Variants in PRC1 observed in about 807,000 individuals in gnomAD.
The protein encoded by PRC1 is anaphase spindle elongation 1 homolog.
In PRC1, 54 loss-of-function variants were observed where a neutral mutation model predicts 91.2. That is an observed-to-expected ratio of 0.59 (90% CI 0.48 to 0.74). PRC1 has a LOEUF of 0.74. PRC1 is among the 30% of genes least tolerant of loss of function. The pLI is 0.00. For synonymous variants in PRC1, 275 were observed against 263.6 expected (o/e 1.04, Z -0.42); for missense variants, 727 against 746.2 (o/e 0.97, Z 0.30).
chr15:90,979,317 T>C, intron 7 of PRC1, 23 bp from the exon 8 acceptor site: 1 of 1,592,884 alleles, frequency 6.3e-7, no homozygotes, highest in Non-Finnish European at 8.5e-7. Context: ...GGCCCAGTAG[T>C]TTAAAACAAT....
chr15:90,993,677 G>A (rs986738980), intron 1 of PRC1, among the ~76,000 whole-genome samples: 2 of 151,876 alleles, frequency 1.3e-5, no homozygotes, highest in East Asian at 1.9e-4. Context: ...CACCGCCTAG[G>A]AAGTTATTAA....
intron 6 of PRC1, 121 bp from the exon 7 acceptor site, chr15:90,980,510 C>G (rs1009571627): frequency 2.6e-6 from 2 of 758,096 alleles, no homozygotes; most frequent in African/African-American, 1.9e-5. Context: ...TATAAATCAA[C>G]ACTTTTTTTT....
intron 5 of PRC1, 103 bp downstream of exon 5, chr15:90,981,391 TCTTAC>T: frequency 7.6e-7 from 1 of 1,310,984 alleles, no homozygotes; most frequent in Non-Finnish European, 1.1e-6. Context: ...TCCCTCATTC[TCTTAC>T]CTTACATTGT....
In PRC1 at chr15:90,974,763, T is replaced by G; in HGVS notation, c.1204-32A>C. The stretch of plus-strand genomic sequence containing the variant: ...CCAGAAACAAGGACATGTTAATTAC[T>G]TCAACTCTTTAGTGCAAAGCCCAAA... On this transcript the variant is annotated intron_variant, in intron 9 of 14. Coordinates refer to ENST00000394249, the MANE Select transcript of PRC1 (RefSeq NM_003981.4). The surrounding 1 kb of genome is among the most constrained non-coding windows in gnomAD (Gnocchi z 4.6). The G allele has an allele frequency of 6.2e-7, 1 of 1,612,956 alleles. No individual in the cohort carries two copies. Among genetic ancestry groups the G allele is most frequent in the Non-Finnish European group, 8.5e-7 (1 of 1,179,066 alleles).
At chr15:90,969,325 G>A (rs984932356) in intron 13 of PRC1, 122 bp downstream of exon 13, 3 of 1,341,478 alleles carry the variant, frequency 2.2e-6, no homozygotes, top group Non-Finnish European at 3.1e-6. Flanking sequence ...AAGCAGGAAA[G>A]GGATTCTCAG....
Position 90,970,389 on chromosome 15 carries a change from A to T in PRC1, c.1572+15T>A. 6.4e-7 allele frequency: 1 copy of T among 1,558,522 alleles called. No homozygotes were observed. The highest frequency in any genetic ancestry group is 1.4e-5 in the African/African-American group (1 of 73,724). On this transcript the variant is annotated intron_variant, in intron 12 of 14. Transcript: ENST00000394249. ...GACGCATGTGAGGATGTGCTTAGAC[A>T]CAGGGCATACTAACCTTGCTGCCAG... is the stretch of plus-strand genomic sequence containing the variant.
At chr15:90,994,277 C>G (rs920346110) in intron 1 of PRC1, 130 bp downstream of exon 1, 3 of 1,434,906 alleles carry the variant, frequency 2.1e-6, no homozygotes, top group Non-Finnish European at 2.8e-6. Flanking sequence ...CCCCCGGCCT[C>G]CCTCGGCGCC....
intron 1 of PRC1, among the ~76,000 whole-genome samples, chr15:90,985,559 A>C (rs866383226): frequency 2.1e-4 from 23 of 108,582 alleles, no homozygotes; most frequent in Non-Finnish European, 2.5e-4. Flanking sequence ...ATTTATTTTT[A>C]TTTTCTTTTT....
chr15:90,985,606 T>C (rs975464258), intron 1 of PRC1, among the ~76,000 whole-genome samples: 3 of 151,382 alleles, frequency 2.0e-5, no homozygotes, highest in African/African-American at 7.3e-5. Flanking sequence ...TTGCCCTGGC[T>C]GGAGTGCAGT....
chr15:90,994,212 C>T (rs907766130), intron 1 of PRC1, among the ~76,000 whole-genome samples, 195 bp downstream of exon 1: 2 of 152,116 alleles, frequency 1.3e-5, no homozygotes, highest in Admixed American at 6.5e-5. Flanking sequence ...CGCGTCAGGT[C>T]TCACCGCCGC....
In PRC1 at chr15:90,979,313, G is replaced by C. The variant is rs781001193; in HGVS notation, c.971-19C>G. 6.3e-7 allele frequency: 1 copy of C among 1,598,996 alleles called. No individual in the cohort carries two copies. The highest frequency in any genetic ancestry group is 2.2e-5 in the East Asian group (1 of 44,784). ...TAGTCCTCTGCAAAATATAGGCCCA[G>C]TAGTTTAAAACAATTCCTCTAGTAT... On this transcript the variant is annotated intron_variant, in intron 7 of 14. Transcript: ENST00000394249.
chr15:90,984,328 AAT>A lies in PRC1; in HGVS notation c.145-190_145-189del, dbSNP rs1308212562. Among the ~76,000 whole-genome samples, 2 of 152,216 alleles carry A rather than the reference AAT, an allele frequency of 1.3e-5. No homozygotes were observed. The highest frequency in any genetic ancestry group is 6.5e-5 in the Admixed American group (1 of 15,286). On this transcript the variant is annotated intron_variant, in intron 2 of 14. Transcript: ENST00000394249. This position sits in a 1 kb window ranked among gnomAD's most constrained non-coding sequence, Gnocchi z 5.1. ...ACTGCAACCTCTACCTTCCGGGTTC[AAT>A]AGATTCTCCTGTCTCAGCCTCTTGA...
At position 90,976,658 on chromosome 15, in the gene PRC1, C is replaced by G; in HGVS notation, c.1203+18G>C. On this transcript the variant is annotated intron_variant, in intron 9 of 14. Coordinates refer to ENST00000394249, the MANE Select transcript of PRC1 (RefSeq NM_003981.4). ...ATCTTTGTAACCAAGCATCAAAAAC[C>G]CTTAGCAACATTATTACCTTGGGCA... 2 of 1,578,772 alleles carry G rather than the reference C, an allele frequency of 1.3e-6. No individual in the cohort carries two copies. The highest frequency in any genetic ancestry group is 1.7e-6 in the Non-Finnish European group (2 of 1,150,428).
At chr15:90,973,543 TAA>T (rs1490583415) in intron 11 of PRC1, among the ~76,000 whole-genome samples, 2 of 151,240 alleles carry the variant, frequency 1.3e-5, no homozygotes, top group East Asian at 3.9e-4. Flanking sequence ...GGAGGATTCG[TAA>T]AAGAGGAAGG....
At chr15:90,967,255 C>T in intron 14 of PRC1, 53 bp from the exon 15 acceptor site, 1 of 1,476,592 alleles carries the variant, frequency 6.8e-7, no homozygotes, top group Non-Finnish European at 9.5e-7. Flanking sequence ...TACACATGGC[C>T]CACCCTTCTA....
At chr15:90,967,225 A>C in intron 14 of PRC1, 23 bp from the exon 15 acceptor site, 1 of 1,599,110 alleles carries the variant, frequency 6.3e-7, no homozygotes, top group Non-Finnish European at 8.6e-7. Context: ...AAATAACATC[A>C]GTGGCCATAC....
chr15:90,991,965 T>C (rs1424088279), intron 1 of PRC1, among the ~76,000 whole-genome samples: 1 of 152,196 alleles, frequency 6.6e-6, no homozygotes, highest in African/African-American at 2.4e-5. Flanking sequence ...CTGAAAGCCA[T>C]TTCTTTTGAC....
Position 90,982,977 on chromosome 15 carries a change from C to G in PRC1, c.268-996G>C, listed in dbSNP as rs571153381. On this transcript the variant is annotated intron_variant, in intron 3 of 14. Coordinates refer to ENST00000394249, the MANE Select transcript of PRC1 (RefSeq NM_003981.4). ...GACATATACATTTTTCTTAAATGTC[C>G]TATACATTTACACAATTTCATTTAA... Among the ~76,000 whole-genome samples the G allele has an allele frequency of 4.6e-5, 7 of 152,066 alleles. No homozygotes were observed. The East Asian group carries it at 1.4e-3, about 29-fold the overall frequency.
chr15:90,994,531 C>T lies in PRC1; in HGVS notation c.-114G>A. On this transcript the variant is annotated 5_prime_UTR_variant, in exon 1 of 15. Transcript: ENST00000394249. Reference sequence around the variant, plus strand: ...TCACTCCGCGTAGCCGCTCCGCGAGCCGTTGAGCCCCGCAAAATTTCAAAC... The same window carrying T: ...TCACTCCGCGTAGCCGCTCCGCGAGTCGTTGAGCCCCGCAAAATTTCAAAC... 2 of 1,419,642 alleles carry T rather than the reference C, an allele frequency of 1.4e-6. No individual in the cohort carries two copies. Among genetic ancestry groups the T allele is most frequent in the East Asian group, 2.8e-5 (1 of 35,396 alleles). The allele number at this position is 1,419,642 out of a possible 1,614,324, so 87.9% of individuals were successfully genotyped here.
Sources: allele counts gnomAD v4.1 joint callset (sites outside exome capture counted in the v4.1 genomes callset), GRCh38; gene constraint gnomAD v4.1.1; non-coding constraint Gnocchi (gnomAD v3.1); transcripts MANE v1.5; gene names NCBI Gene and HGNC (gene_info 2026-07-23, HGNC 2026-07-21).